Variants in XKR6 observed in about 807,000 individuals in gnomAD.
XKR6 encodes the protein XK related 6.
A neutral mutation model predicts 56.7 loss-of-function variants in XKR6; 22 were observed. The ratio of observed to expected loss-of-function variants is 0.39; its 90% CI spans 0.28 to 0.55. The LOEUF (loss-of-function observed/expected upper bound fraction) is 0.55. Ranked by LOEUF, XKR6 falls within the 20% of genes least tolerant of loss-of-function variation. XKR6 has a pLI of 0.66. For synonymous variants in XKR6, 524 were observed against 387.8 expected, an observed-to-expected ratio of 1.35 and a Z score of -4.13; for missense variants, 852 against 889.0, an observed-to-expected ratio of 0.96 and a Z score of 0.53.
At chr8:11,113,162 T>G (rs373664962) in intron 1 of XKR6, among the ~76,000 whole-genome samples, 1 of 152,218 alleles carries the variant, frequency 6.6e-6, no homozygotes, top group Non-Finnish European at 1.5e-5. Context: ...CTATATTTGT[T>G]ATTAATGCTG....
At chr8:11,086,551 C>T (rs1324846825) in intron 1 of XKR6, among the ~76,000 whole-genome samples, 1 of 152,170 alleles carries the variant, frequency 6.6e-6, no homozygotes, top group Non-Finnish European at 1.5e-5. Flanking sequence ...ATGAAGGCAA[C>T]CCTAGACTGA....
intron 1 of XKR6, among the ~76,000 whole-genome samples, chr8:11,022,574 A>C (rs1008712181): frequency 1.3e-5 from 2 of 152,184 alleles, no homozygotes; most frequent in African/African-American, 4.8e-5. Flanking sequence ...CAATGGGTGA[A>C]GCGGGCGGCA....
intron 1 of XKR6, among the ~76,000 whole-genome samples, chr8:10,937,687 G>C (rs1359227821): frequency 1.6e-4 from 24 of 147,622 alleles, no homozygotes; most frequent in East Asian, 7.9e-4. Flanking sequence ...GCCCCTGCTG[G>C]GGGGTGCCTC....
chr8:10,965,004 G>A (rs1014767256), intron 1 of XKR6, among the ~76,000 whole-genome samples: 1 of 152,054 alleles, frequency 6.6e-6, no homozygotes, highest in Non-Finnish European at 1.5e-5. Context: ...TCTTTACATC[G>A]CCTTCCCTTT....
chr8:10,900,593 C>T (rs1483844662), intron 2 of XKR6, among the ~76,000 whole-genome samples: 3 of 152,218 alleles, frequency 2.0e-5, no homozygotes, highest in Non-Finnish European at 4.4e-5. Flanking sequence ...CCAAGTTCTC[C>T]ATGGAAATCT....
chr8:11,101,153 T>C (rs73198922), intron 1 of XKR6, among the ~76,000 whole-genome samples: 4,566 of 152,316 alleles, frequency 0.03, 104 homozygotes, highest in Non-Finnish European at 0.047. Context: ...GACATCCCAA[T>C]TTTTGAAAGT....
intron 1 of XKR6, among the ~76,000 whole-genome samples, chr8:11,056,388 G>A (rs1563107893): frequency 6.6e-6 from 1 of 152,122 alleles, no homozygotes; most frequent in African/African-American, 2.4e-5. Flanking sequence ...GCTCCAGAAC[G>A]CCGGCAGCGC....
intron 1 of XKR6, among the ~76,000 whole-genome samples, chr8:10,984,718 C>CTATATATGTA (rs1563328065): frequency 1.2e-5 from 1 of 85,014 alleles, no homozygotes; most frequent in African/African-American, 5.2e-5. Context: ...CTCTCTCTCT[C>CTATATATGTA]TCTCTCTCTC....
chr8:11,127,032 T>C (rs916415859), intron 1 of XKR6, among the ~76,000 whole-genome samples: 6 of 152,190 alleles, frequency 3.9e-5, no homozygotes, highest in African/African-American at 1.4e-4. Context: ...GGTAAGTTTG[T>C]CTTGTGTATC....
chr8:11,150,931 C>G (rs1279759627), intron 1 of XKR6, among the ~76,000 whole-genome samples: 1 of 151,062 alleles, frequency 6.6e-6, no homozygotes, highest in Admixed American at 6.6e-5. Context: ...TCTATCTCCT[C>G]AAACCATAAT....
At chr8:11,187,807 G>C (rs1803354660) in intron 1 of XKR6, among the ~76,000 whole-genome samples, 1 of 152,140 alleles carries the variant, frequency 6.6e-6, no homozygotes, top group African/African-American at 2.4e-5. Context: ...AGTGAAACTG[G>C]CCTGCAGAAT....
rs1470488656 is a variant in XKR6, at chr8:11,059,724, G to A, written c.765-134894C>T. On this transcript the variant is annotated intron_variant, in intron 1 of 2. Coordinates refer to ENST00000416569, the MANE Select transcript of XKR6 (RefSeq NM_173683.4). ...GCGCGTCTCTGTTCCCCGGCTCCCCGGCCCGCGCCCCCCGGACCCCGCCCC... is the reference window on the plus strand; with the variant it reads ...GCGCGTCTCTGTTCCCCGGCTCCCCAGCCCGCGCCCCCCGGACCCCGCCCC... Among the ~76,000 whole-genome samples the A allele has an allele frequency of 3.6e-5, 5 of 137,204 alleles. 1 individual carries two copies. The highest frequency in any genetic ancestry group is 1.6e-5 in the Non-Finnish European group (1 of 63,022). 90.0% of individuals were successfully genotyped at this position (137,204 alleles called of 152,430 possible). A position where few individuals can be genotyped will look rare whatever the true frequency, so the allele number is the denominator to read the frequency against.
At chr8:11,140,254 G>A (rs1800623968) in intron 1 of XKR6, among the ~76,000 whole-genome samples, 1 of 152,112 alleles carries the variant, frequency 6.6e-6, no homozygotes, top group Non-Finnish European at 1.5e-5. Context: ...CAATGGAACA[G>A]GACAAATACT....
intron 1 of XKR6, among the ~76,000 whole-genome samples, chr8:11,095,944 T>G (rs1387342969): frequency 1.3e-5 from 2 of 152,198 alleles, no homozygotes; most frequent in African/African-American, 4.8e-5. Flanking sequence ...ATTTTATTTT[T>G]GGATTGGGAA....
At chr8:11,140,192 G>C (rs1473347896) in intron 1 of XKR6, among the ~76,000 whole-genome samples, 1 of 150,962 alleles carries the variant, frequency 6.6e-6, no homozygotes, top group Non-Finnish European at 1.5e-5. Flanking sequence ...GACAGGCAAA[G>C]AATACCTGAA....
chr8:10,979,771 C>T (rs1424760515), intron 1 of XKR6, among the ~76,000 whole-genome samples: 1 of 152,184 alleles, frequency 6.6e-6, no homozygotes, highest in Non-Finnish European at 1.5e-5. Context: ...GGGGTTTTCT[C>T]TCAGCTCTGA....
intron 1 of XKR6, among the ~76,000 whole-genome samples, chr8:11,159,200 C>T (rs1299740399): frequency 6.6e-6 from 1 of 152,168 alleles, no homozygotes; most frequent in Non-Finnish European, 1.5e-5. Context: ...AGAGGGGTAC[C>T]CAATTCTTTG....
intron 1 of XKR6, among the ~76,000 whole-genome samples, chr8:11,011,268 C>G (rs376908979): frequency 6.6e-6 from 1 of 152,156 alleles, no homozygotes; most frequent in African/African-American, 2.4e-5. Context: ...TCACACAGCA[C>G]GCAGGAGAGG....
chr8:11,051,816 T>C (rs956569203), intron 1 of XKR6, among the ~76,000 whole-genome samples: 2 of 152,038 alleles, frequency 1.3e-5, no homozygotes, highest in Admixed American at 6.5e-5. Context: ...TCTGTGTTTC[T>C]TCTAAAAAAA....
Sources: gnomAD v4.1 joint callset for allele counts (sites outside exome capture counted in the v4.1 genomes callset) on GRCh38, gnomAD v4.1.1 for gene constraint, MANE v1.5 for transcripts, NCBI Gene and HGNC (gene_info 2026-07-23, HGNC 2026-07-21) for gene names.